The following CTNND2 variants were observed in gnomAD, a reference collection of about 807,000 sequenced individuals.
The protein encoded by CTNND2 is catenin delta-2.
In CTNND2, 22 loss-of-function variants were observed where a neutral mutation model predicts 144.4. The observed-to-expected ratio is 0.15, with a 90% CI of 0.11 to 0.22. CTNND2 has a LOEUF of 0.22. Among genes scored for constraint, CTNND2 ranks in the 10% least tolerant of loss-of-function variants. The pLI, the probability that CTNND2 is intolerant of heterozygous loss-of-function variation, is 1.00. For missense variants in CTNND2, 1,353 were observed against 1,618.8 expected (o/e 0.84, Z 2.82); for synonymous variants, 751 against 695.6 (o/e 1.08, Z -1.25).
intron 3 of CTNND2, among the ~76,000 whole-genome samples, chr5:11,498,413 A>G (rs1158714458): frequency 6.6e-6 from 1 of 152,198 alleles, no homozygotes; most frequent in African/African-American, 2.4e-5. Context: ...TTGTTAGGCC[A>G]TGACCTTTTA....
At chr5:11,244,842 C>A (rs1431563954) in intron 9 of CTNND2, among the ~76,000 whole-genome samples, 2 of 152,200 alleles carry the variant, frequency 1.3e-5, no homozygotes, top group African/African-American at 4.8e-5. Context: ...GTGCTCAGCT[C>A]ATGGGGGACT....
chr5:11,239,884 C>T (rs1000028195), intron 9 of CTNND2, among the ~76,000 whole-genome samples: 8 of 152,222 alleles, frequency 5.3e-5, no homozygotes, highest in African/African-American at 2.4e-5. Flanking sequence ...GACCATCTCT[C>T]GCTTCACTCT....
chr5:11,422,095 T>C (rs956796043), intron 3 of CTNND2, among the ~76,000 whole-genome samples: 2 of 152,190 alleles, frequency 1.3e-5, no homozygotes, highest in African/African-American at 4.8e-5. Flanking sequence ...TGCAGCTAAT[T>C]CACAGAACTG....
chr5:11,776,398 A>C (rs190450398), intron 1 of CTNND2, among the ~76,000 whole-genome samples: 1 of 152,324 alleles, frequency 6.6e-6, no homozygotes, highest in Admixed American at 6.5e-5. Flanking sequence ...TGTTAATTGC[A>C]TTTCTAATCA....
intron 12 of CTNND2, among the ~76,000 whole-genome samples, chr5:11,156,102 G>C (rs748109569): frequency 7.9e-5 from 12 of 152,166 alleles, no homozygotes; most frequent in Non-Finnish European, 1.0e-4. Context: ...AGGAAAGCTT[G>C]AGAAACTGGA....
intron 18 of CTNND2, among the ~76,000 whole-genome samples, chr5:10,993,753 A>G (rs1047576500): frequency 6.6e-6 from 1 of 152,082 alleles, no homozygotes; most frequent in Non-Finnish European, 1.5e-5. Context: ...GCTTTATCCT[A>G]TCAGTCAAGT....
At chr5:11,030,817 G>T (rs1580089714) in intron 16 of CTNND2, among the ~76,000 whole-genome samples, 1 of 123,454 alleles carries the variant, frequency 8.1e-6, no homozygotes, top group African/African-American at 3.2e-5. Context: ...ATACTTCCCT[G>T]TTTCATTGTA....
At chr5:11,363,859 C>T (rs764391584) in intron 8 of CTNND2, among the ~76,000 whole-genome samples, 3 of 152,150 alleles carry the variant, frequency 2.0e-5, no homozygotes, top group Admixed American at 6.5e-5. Context: ...CAGTCCCTGC[C>T]GGAGCTCATA....
Position 11,135,212 on chromosome 5 carries a change from G to A in CTNND2, c.2160-17645C>T, listed in dbSNP as rs375427771. Among the ~76,000 whole-genome samples, 13 of 152,254 alleles carry A rather than the reference G, an allele frequency of 8.5e-5. 1 individual carries two copies. The South Asian group carries it at 1.2e-3, about 15-fold the overall frequency. On this transcript the variant is annotated intron_variant, in intron 12 of 21. Transcript: ENST00000304623. The stretch of plus-strand genomic sequence containing the variant: ...TGTCATTCAGGTTTTACTGCTTTTC[G>A]TAAATAATAATGGTTCTTAGAACTC...
chr5:11,837,335 T>C (rs1050563915), intron 1 of CTNND2, among the ~76,000 whole-genome samples: 1 of 152,234 alleles, frequency 6.6e-6, no homozygotes, highest in Non-Finnish European at 1.5e-5. Context: ...ATTGGAAGTA[T>C]ATGAAGTCTA....
At chr5:11,042,996 T>A (rs1744841003) in intron 16 of CTNND2, among the ~76,000 whole-genome samples, 2 of 152,098 alleles carry the variant, frequency 1.3e-5, no homozygotes, top group Non-Finnish European at 2.9e-5. Context: ...GTATCCTTTC[T>A]CAAAAAATAC....
chr5:11,684,109 ATTTT>A (rs934676658), intron 2 of CTNND2, among the ~76,000 whole-genome samples: 1 of 146,558 alleles, frequency 6.8e-6, no homozygotes, highest in Admixed American at 6.8e-5. Context: ...TTTATTTTTT[ATTTT>A]TTTTTTTAGA....
chr5:11,733,097 C>T (rs1045887291), intron 1 of CTNND2, among the ~76,000 whole-genome samples: 4 of 152,240 alleles, frequency 2.6e-5, no homozygotes, highest in African/African-American at 9.6e-5. Flanking sequence ...TTGTGATATC[C>T]TCTGAAATAA....
At chr5:11,742,806 C>T (rs532737562) in intron 1 of CTNND2, among the ~76,000 whole-genome samples, 18 of 152,188 alleles carry the variant, frequency 1.2e-4, no homozygotes, top group African/African-American at 3.9e-4. Flanking sequence ...GAAGAATAAG[C>T]ATAAACATCT....
intron 2 of CTNND2, among the ~76,000 whole-genome samples, chr5:11,611,200 T>C (rs564797225): frequency 1.7e-4 from 26 of 152,298 alleles, no homozygotes; most frequent in African/African-American, 5.8e-4. Flanking sequence ...TGAAGAATGA[T>C]GTGTTTGCTT....
chr5:11,056,486 T>C (rs1271008285), intron 16 of CTNND2, among the ~76,000 whole-genome samples: 1 of 152,190 alleles, frequency 6.6e-6, no homozygotes, highest in Non-Finnish European at 1.5e-5. Flanking sequence ...TATTATTTTG[T>C]TATTATAATT....
intron 2 of CTNND2, among the ~76,000 whole-genome samples, chr5:11,662,215 A>ATGTGTG (rs771523388): frequency 9.8e-6 from 1 of 102,306 alleles, no homozygotes; most frequent in Non-Finnish European, 1.8e-5. Context: ...GTATATATAT[A>ATGTGTG]CATATATGTG....
At chr5:11,415,496 A>C (rs886349624) in intron 3 of CTNND2, among the ~76,000 whole-genome samples, 10 of 152,108 alleles carry the variant, frequency 6.6e-5, no homozygotes, top group African/African-American at 1.9e-4. Flanking sequence ...TTTCTAGCTA[A>C]TTGGGAGGTC....
At chr5:11,810,124 C>T (rs558456277) in intron 1 of CTNND2, among the ~76,000 whole-genome samples, 2 of 152,148 alleles carry the variant, frequency 1.3e-5, no homozygotes, top group African/African-American at 4.8e-5. Context: ...CATTCTTTAA[C>T]ATATTAAATA....
Sources: allele counts gnomAD v4.1 joint callset (sites outside exome capture counted in the v4.1 genomes callset), GRCh38; gene constraint gnomAD v4.1.1; transcripts MANE v1.5; gene names NCBI Gene and HGNC (gene_info 2026-07-23, HGNC 2026-07-21).